Variants in TMEM108 observed in about 807,000 individuals in gnomAD.
TMEM108 encodes the protein transmembrane protein 108, also known as cancer/testis antigen 124.
A neutral mutation model predicts 35.1 loss-of-function variants in TMEM108; 12 were observed. The ratio of observed to expected loss-of-function variants is 0.34; its 90% CI spans 0.22 to 0.55. TMEM108 has a LOEUF of 0.55. Among genes scored for constraint, TMEM108 ranks in the 20% least tolerant of loss-of-function variants. TMEM108 has a pLI of 0.89. For synonymous variants in TMEM108, 287 were observed against 308.6 expected, an observed-to-expected ratio of 0.93 and a Z score of 0.73; for missense variants, 680 against 753.3, an observed-to-expected ratio of 0.90 and a Z score of 1.14.
intron 3 of TMEM108, among the ~76,000 whole-genome samples, chr3:133,249,902 T>C (rs1249005152): frequency 6.6e-6 from 1 of 152,204 alleles, no homozygotes; most frequent in Admixed American, 6.5e-5. Context: ...AGAAACATTT[T>C]TAATAAGAAA....
intron 3 of TMEM108, among the ~76,000 whole-genome samples, chr3:133,311,795 G>A (rs777581172): frequency 6.6e-5 from 10 of 152,124 alleles, no homozygotes; most frequent in East Asian, 1.9e-4. Context: ...GAGGCACTCC[G>A]GTTTTTAGAA....
chr3:133,295,175 T>G (rs186847993), intron 3 of TMEM108, among the ~76,000 whole-genome samples: 1 of 152,270 alleles, frequency 6.6e-6, no homozygotes, highest in East Asian at 1.9e-4. Flanking sequence ...AAAGGGCAAG[T>G]TTGGAGATTG....
chr3:133,305,393 T>G, intron 3 of TMEM108, among the ~76,000 whole-genome samples: 1 of 147,738 alleles, frequency 6.8e-6, no homozygotes, highest in South Asian at 2.3e-4. Context: ...AGGGATAGCA[T>G]TGGGAGATAC....
chr3:133,209,410 C>T (rs1945804261), intron 2 of TMEM108, among the ~76,000 whole-genome samples: 1 of 152,096 alleles, frequency 6.6e-6, no homozygotes, highest in Admixed American at 6.5e-5. Flanking sequence ...TAGACAAATA[C>T]ATAGGCAAAG....
rs1947098605 is a variant in TMEM108, at chr3:133,293,292, C to T, written c.40+63941C>T. Among the ~76,000 whole-genome samples, 3 of 151,750 alleles carry T rather than the reference C, an allele frequency of 2.0e-5. No individual in the cohort carries two copies. In the South Asian group the frequency reaches 6.3e-4, roughly 32 times the overall value. ...TTCTCATCAAATTTAGCACTTCTCT[C>T]CATGAAAGCCTTTATCACACTCCTC... On this transcript the variant is annotated intron_variant, in intron 3 of 5. Coordinates refer to ENST00000321871, the MANE Select transcript of TMEM108 (RefSeq NM_023943.4).
intron 5 of TMEM108, 111 bp from the exon 6 acceptor site, chr3:133,395,753 G>T: frequency 8.5e-7 from 1 of 1,172,986 alleles, no homozygotes; most frequent in Non-Finnish European, 1.1e-6. Context: ...ATGAAAATGT[G>T]CACCAAGCCA....
chr3:133,170,674 T>C (rs916212047), intron 2 of TMEM108, among the ~76,000 whole-genome samples: 1 of 152,102 alleles, frequency 6.6e-6, no homozygotes, highest in Admixed American at 6.5e-5. Flanking sequence ...AGTCAGAGTT[T>C]TAAAAAGATC....
chr3:133,346,134 A>G lies in TMEM108; in HGVS notation c.41-33618A>G, dbSNP rs990133782. Among the ~76,000 whole-genome samples the G allele has an allele frequency of 7.9e-5, 12 of 151,882 alleles. No individual in the cohort carries two copies. The highest frequency in any genetic ancestry group is 1.2e-4 in the African/African-American group (5 of 41,410). ...GATTCTGTGTGAACTTAAATTTTCA[A>G]TTCATTTAGGTAAATACCTAGGAGC... On this transcript the variant is annotated intron_variant, in intron 3 of 5. Coordinates refer to ENST00000321871, the MANE Select transcript of TMEM108 (RefSeq NM_023943.4). The surrounding 1 kb of genome is among the most constrained non-coding windows in gnomAD (Gnocchi z 4.0).
intron 2 of TMEM108, among the ~76,000 whole-genome samples, chr3:133,154,748 T>G (rs1944853824): frequency 1.3e-5 from 2 of 152,078 alleles, no homozygotes; most frequent in African/African-American, 4.8e-5. Context: ...TATTAGGAGA[T>G]ATACCTAATG....
intron 2 of TMEM108, among the ~76,000 whole-genome samples, chr3:133,123,838 T>C (rs75908635): frequency 6.6e-6 from 1 of 152,230 alleles, no homozygotes; most frequent in African/African-American, 2.4e-5. Context: ...AACTCTCTGC[T>C]TCTGCAATAG....
Position 133,071,641 on chromosome 3 carries a change from A to G in TMEM108, c.-47+25621A>G, listed in dbSNP as rs892386135. On this transcript the variant is annotated intron_variant, in intron 2 of 5. Transcript: ENST00000321871. ...CTTGTTAGCCATTTGTGTATTATCT[A>G]TGGAAATAATACACAAAATCCTTTG... Among the ~76,000 whole-genome samples, 10 of 152,202 alleles carry G rather than the reference A, an allele frequency of 6.6e-5. No homozygotes were observed. In the South Asian group the frequency reaches 8.3e-4, roughly 13 times the overall value.
At chr3:133,152,001 C>T (rs1007372373) in intron 2 of TMEM108, among the ~76,000 whole-genome samples, 1 of 152,110 alleles carries the variant, frequency 6.6e-6, no homozygotes, top group Admixed American at 6.6e-5. Flanking sequence ...CTACAGCTGA[C>T]CTGCACAAAT....
At chr3:133,152,301 T>C (rs892250249) in intron 2 of TMEM108, among the ~76,000 whole-genome samples, 2 of 152,194 alleles carry the variant, frequency 1.3e-5, no homozygotes, top group African/African-American at 2.4e-5. Context: ...ACAGGCTCTC[T>C]TAGAAGGAGG....
At chr3:133,237,675 A>G (rs927203884) in intron 3 of TMEM108, among the ~76,000 whole-genome samples, 5 of 152,172 alleles carry the variant, frequency 3.3e-5, no homozygotes, top group African/African-American at 4.8e-5. Context: ...TTCAACCAAA[A>G]TAACATATCT....
chr3:133,240,398 A>G (rs1946296197), intron 3 of TMEM108, among the ~76,000 whole-genome samples: 1 of 152,222 alleles, frequency 6.6e-6, no homozygotes, highest in African/African-American at 2.4e-5. Context: ...CTGCAGATAA[A>G]ACAAAAGTTT....
intron 3 of TMEM108, among the ~76,000 whole-genome samples, chr3:133,317,663 G>A (rs1172875254): frequency 2.6e-5 from 4 of 152,128 alleles, no homozygotes; most frequent in African/African-American, 9.7e-5. Context: ...TGGTGTGAAT[G>A]CCCCAAATAA....
At chr3:133,344,550 G>A (rs1349149880) in intron 3 of TMEM108, among the ~76,000 whole-genome samples, 2 of 150,704 alleles carry the variant, frequency 1.3e-5, no homozygotes, top group Non-Finnish European at 3.0e-5. Flanking sequence ...TATTAATTCA[G>A]CCCAAAAAAA....
At chr3:133,138,641 A>G (rs903982264) in intron 2 of TMEM108, among the ~76,000 whole-genome samples, 1 of 152,158 alleles carries the variant, frequency 6.6e-6, no homozygotes, top group African/African-American at 2.4e-5. Context: ...AAGTTCATGT[A>G]TAACCGTGTA....
intron 2 of TMEM108, among the ~76,000 whole-genome samples, chr3:133,159,871 G>T (rs1464277926): frequency 3.3e-5 from 5 of 152,072 alleles, no homozygotes; most frequent in African/African-American, 9.7e-5. Flanking sequence ...CTTCATAAAC[G>T]ATGTGAAATC....
Sources: gnomAD v4.1 joint callset for allele counts (sites outside exome capture counted in the v4.1 genomes callset) on GRCh38, gnomAD v4.1.1 for gene constraint, Gnocchi (gnomAD v3.1) non-coding constraint, MANE v1.5 for transcripts, NCBI Gene and HGNC (gene_info 2026-07-23, HGNC 2026-07-21) for gene names.